GALNT2: variants seen among roughly 807,000 people sequenced by gnomAD.
GALNT2 encodes the protein polypeptide N-acetylgalactosaminyltransferase 2, also known as UDP-GalNAc:polypeptide N-acetylgalactosaminyltransferase 2.
A neutral mutation model predicts 81.4 loss-of-function variants in GALNT2; 31 were observed. The observed-to-expected ratio is 0.38, with a 90% confidence interval of 0.29 to 0.51. The LOEUF (loss-of-function observed/expected upper bound fraction) is 0.51, where lower values mean the gene tolerates loss of function less well. Among genes scored for constraint, GALNT2 ranks in the 20% least tolerant of loss-of-function variants. The pLI is 0.87. For synonymous variants in GALNT2, 303 were observed against 287.4 expected (o/e 1.05, Z -0.55); for missense variants, 629 against 765.7 (o/e 0.82, Z 2.11).
At chr1:230,264,673 C>G (rs1163366023) in intron 13 of GALNT2, 4 of 153,076 alleles carry the variant, frequency 2.6e-5, no homozygotes, top group African/African-American at 9.7e-5. Context: ...TAGCCCATAG[C>G]CTACCAAAGG....
At chr1:230,135,587 G>A (rs1661512707) in intron 1 of GALNT2, among the ~76,000 whole-genome samples, 1 of 152,182 alleles carries the variant, frequency 6.6e-6, no homozygotes, top group Non-Finnish European at 1.5e-5. Flanking sequence ...ACATCTTCCT[G>A]CTCCCTTGTG....
chr1:230,230,417 C>G (rs545296338), intron 3 of GALNT2, among the ~76,000 whole-genome samples: 1 of 152,180 alleles, frequency 6.6e-6, no homozygotes, highest in Non-Finnish European at 1.5e-5. Context: ...AGTTTTTCCA[C>G]GGGAACCTGA....
chr1:230,248,947 T>C (rs1665457764), intron 8 of GALNT2, among the ~76,000 whole-genome samples: 1 of 152,180 alleles, frequency 6.6e-6, no homozygotes, highest in Non-Finnish European at 1.5e-5. Context: ...TCACATTTTC[T>C]TTAGGGAGGG....
At chr1:230,215,979 C>G (rs1664379348) in intron 3 of GALNT2, among the ~76,000 whole-genome samples, 1 of 152,206 alleles carries the variant, frequency 6.6e-6, no homozygotes, top group South Asian at 2.1e-4. Context: ...ATGTGAATGC[C>G]TCTGTCACAC....
intron 1 of GALNT2, among the ~76,000 whole-genome samples, chr1:230,107,169 G>A (rs1660567937): frequency 6.6e-6 from 1 of 152,244 alleles, no homozygotes; most frequent in South Asian, 2.1e-4. Flanking sequence ...GCAGAGATAA[G>A]GAAGGACGCC....
chr1:230,059,534 C>T (rs548291487), intron 1 of GALNT2, among the ~76,000 whole-genome samples: 2 of 152,278 alleles, frequency 1.3e-5, no homozygotes, highest in South Asian at 4.2e-4. Context: ...TGTTTATATG[C>T]CAGCCGTCTA....
chr1:230,068,221 TG>T (rs1340237261), intron 1 of GALNT2, among the ~76,000 whole-genome samples: 3 of 152,242 alleles, frequency 2.0e-5, no homozygotes, highest in African/African-American at 7.2e-5. Context: ...GGGGACCGTG[TG>T]AGCCGCTCTG....
chr1:230,150,821 G>A (rs954032296), intron 1 of GALNT2, among the ~76,000 whole-genome samples: 1 of 152,192 alleles, frequency 6.6e-6, no homozygotes, highest in African/African-American at 2.4e-5. Context: ...TTGACTGCTT[G>A]GCCCTGACTG....
At chr1:230,236,468 C>T (rs780002242) in intron 5 of GALNT2, 48 bp downstream of exon 5, 22 of 1,581,544 alleles carry the variant, frequency 1.4e-5, no homozygotes, top group Non-Finnish European at 1.8e-5. Context: ...CTTCTCTGGG[C>T]ACCAGTCTTC....
intron 1 of GALNT2, among the ~76,000 whole-genome samples, chr1:230,159,032 G>A (rs1467905381): frequency 6.6e-6 from 1 of 152,224 alleles, no homozygotes; most frequent in Non-Finnish European, 1.5e-5. Flanking sequence ...CATGTGTCTG[G>A]TGAGGTTGCT....
chr1:230,160,827 T>A (rs567857453), intron 1 of GALNT2, among the ~76,000 whole-genome samples: 20 of 152,280 alleles, frequency 1.3e-4, no homozygotes, highest in African/African-American at 4.6e-4. Context: ...CTTAGACCCT[T>A]TTTCTGTGTT....
intron 1 of GALNT2, among the ~76,000 whole-genome samples, chr1:230,141,746 G>A (rs563282111): frequency 1.0e-3 from 150 of 148,608 alleles, no homozygotes; most frequent in African/African-American, 3.6e-3. Flanking sequence ...TGAAATATGG[G>A]TATACAGATA....
chr1:230,161,386 G>C (rs1366770631), intron 1 of GALNT2, among the ~76,000 whole-genome samples: 1 of 152,228 alleles, frequency 6.6e-6, no homozygotes, highest in Non-Finnish European at 1.5e-5. Flanking sequence ...GCCCCTCCTT[G>C]CCTCGTGGTT....
chr1:230,191,786 C>A (rs1417998653), intron 2 of GALNT2, among the ~76,000 whole-genome samples: 1 of 152,204 alleles, frequency 6.6e-6, no homozygotes, highest in African/African-American at 2.4e-5. Flanking sequence ...GTGCTGGGAT[C>A]ATAGGCGTGA....
intron 1 of GALNT2, among the ~76,000 whole-genome samples, chr1:230,107,852 G>A (rs141997492): frequency 1.1e-3 from 162 of 152,292 alleles, no homozygotes; most frequent in African/African-American, 3.6e-3. Context: ...GTGCTGGTGG[G>A]TGAGGCTGCC....
intron 10 of GALNT2, among the ~76,000 whole-genome samples, chr1:230,253,873 T>G (rs1276296014): frequency 1.3e-5 from 2 of 152,192 alleles, no homozygotes; most frequent in Non-Finnish European, 2.9e-5. Flanking sequence ...TTTACTTCTA[T>G]GAGATCAGTG....
intron 1 of GALNT2, among the ~76,000 whole-genome samples, chr1:230,160,441 G>A (rs189178908): frequency 6.6e-6 from 1 of 152,132 alleles, no homozygotes; most frequent in Non-Finnish European, 1.5e-5. Context: ...CTTCTTCCTA[G>A]CAGAAGACTC....
At chr1:230,075,140 T>TG (rs1659498264) in intron 1 of GALNT2, among the ~76,000 whole-genome samples, 2 of 145,338 alleles carry the variant, frequency 1.4e-5, no homozygotes, top group African/African-American at 5.2e-5. Flanking sequence ...TTTTTTTTTT[T>TG]TTTGAGACAA....
chr1:230,255,233 T>A lies in GALNT2; in HGVS notation c.1025T>A (p.Val342Glu). Residue 342 changes from valine to glutamate, a missense_variant, in exon 11 of 16, where the codon GTG becomes GAG. Transcript: ENST00000366672. Reference sequence around the variant, plus strand: ...ATCGTCTCAGAGATCTCGTTCCGCGTGTGGCAGTGTGGTGGCAGCCTGGAG... The same window carrying A: ...ATCGTCTCAGAGATCTCGTTCCGCGAGTGGCAGTGTGGTGGCAGCCTGGAG... ...GGENLEISFR[V>E]WQCGGSLEII... The A allele has an allele frequency of 6.2e-7, 1 of 1,614,174 alleles. No individual in the cohort carries two copies. Among genetic ancestry groups the A allele is most frequent in the Non-Finnish European group, 8.5e-7 (1 of 1,180,012 alleles).
Sources: allele counts gnomAD v4.1 joint callset (sites outside exome capture counted in the v4.1 genomes callset), GRCh38; gene constraint gnomAD v4.1.1; transcripts MANE v1.5; gene names NCBI Gene and HGNC (gene_info 2026-07-23, HGNC 2026-07-21).